The following ERC2 variants were observed in gnomAD, a reference collection of about 807,000 sequenced individuals.
ERC2 encodes ERC protein 2.
Under a neutral mutation model 114.8 loss-of-function variants are expected in ERC2, and 42 were observed. The observed-to-expected ratio is 0.37, with a 90% CI of 0.29 to 0.47. The LOEUF is 0.47. Among genes scored for constraint, ERC2 ranks in the 20% least tolerant of loss-of-function variants. The probability of loss-of-function intolerance (pLI) is 0.99; values close to 1 mark genes in which losing one functional copy is unlikely to be tolerated. For synonymous variants in ERC2, 454 were observed against 425.5 expected (o/e 1.07, Z -0.82); for missense variants, 939 against 1,150.7 (o/e 0.82, Z 2.66).
chr3:56,436,903 C>T (rs114246307), intron 1 of ERC2, among the ~76,000 whole-genome samples: 2,521 of 152,288 alleles, frequency 0.017, 28 homozygotes, highest in Non-Finnish European at 0.024. Context: ...GGTGACATCA[C>T]TTCATACTCC....
chr3:55,614,651 C>A (rs1267187004), intron 17 of ERC2, among the ~76,000 whole-genome samples: 1 of 152,134 alleles, frequency 6.6e-6, no homozygotes, highest in Admixed American at 6.5e-5. Flanking sequence ...TACTAGTAGA[C>A]CACGTGGATA....
chr3:56,059,277 G>A (rs1265843236), intron 7 of ERC2, among the ~76,000 whole-genome samples: 1 of 151,994 alleles, frequency 6.6e-6, no homozygotes, highest in Non-Finnish European at 1.5e-5. Context: ...TTTTAGTAGA[G>A]ACGGGGGTTT....
intron 13 of ERC2, among the ~76,000 whole-genome samples, chr3:55,915,641 C>G (rs1042550880): frequency 1.3e-5 from 2 of 152,132 alleles, no homozygotes; most frequent in Non-Finnish European, 2.9e-5. Flanking sequence ...ATACACCTGA[C>G]AAGTAATAGC....
chr3:56,140,443 T>C, intron 5 of ERC2, among the ~76,000 whole-genome samples: 1 of 152,216 alleles, frequency 6.6e-6, no homozygotes, highest in South Asian at 2.1e-4. Context: ...TTTCCTACTT[T>C]GCTTTTTTTC....
intron 4 of ERC2, among the ~76,000 whole-genome samples, chr3:56,159,588 G>A (rs559536200): frequency 6.6e-6 from 1 of 152,198 alleles, no homozygotes; most frequent in Non-Finnish European, 1.5e-5. Context: ...CTGAGGTTTG[G>A]GGTATAAATG....
At chr3:56,329,599 T>C (rs968392482) in intron 2 of ERC2, among the ~76,000 whole-genome samples, 1 of 152,164 alleles carries the variant, frequency 6.6e-6, no homozygotes, top group Non-Finnish European at 1.5e-5. Flanking sequence ...CTTCTAGCTT[T>C]CCTGTCTCTC....
chr3:56,380,653 A>G (rs1446353312), intron 2 of ERC2, among the ~76,000 whole-genome samples: 1 of 152,220 alleles, frequency 6.6e-6, no homozygotes, highest in Non-Finnish European at 1.5e-5. Context: ...ACATCCAACC[A>G]ACTGCAATTA....
At chr3:56,232,623 C>T (rs991203230) in intron 3 of ERC2, among the ~76,000 whole-genome samples, 5 of 152,194 alleles carry the variant, frequency 3.3e-5, no homozygotes, top group African/African-American at 1.2e-4. Flanking sequence ...AAATGCTCAA[C>T]CAGCAACCCA....
intron 3 of ERC2, among the ~76,000 whole-genome samples, chr3:56,274,559 A>G (rs1323270679): frequency 6.6e-6 from 1 of 152,190 alleles, no homozygotes; most frequent in Admixed American, 6.5e-5. Context: ...GTTCAAGCCC[A>G]TGTTGTTCAA....
chr3:55,762,941 C>G (rs1278709986), intron 14 of ERC2, among the ~76,000 whole-genome samples: 2 of 152,168 alleles, frequency 1.3e-5, no homozygotes, highest in Admixed American at 6.5e-5. Flanking sequence ...CTACAGAACA[C>G]ATACTAAGTA....
At chr3:55,959,367 C>T (rs1030643647) in intron 12 of ERC2, among the ~76,000 whole-genome samples, 3 of 152,260 alleles carry the variant, frequency 2.0e-5, no homozygotes, top group Admixed American at 1.3e-4. Context: ...GAACCCAGTG[C>T]CTGAAAGCCA....
intron 14 of ERC2, among the ~76,000 whole-genome samples, chr3:55,739,180 C>A (rs985813864): frequency 9.9e-5 from 15 of 152,014 alleles, no homozygotes; most frequent in Admixed American, 8.5e-4. Context: ...TTGGGTTGGT[C>A]CCAAGTCTTT....
chr3:56,368,186 A>C (rs8179988), intron 2 of ERC2, among the ~76,000 whole-genome samples: 1 of 129,728 alleles, frequency 7.7e-6, no homozygotes, highest in Non-Finnish European at 1.6e-5. Context: ...TTTTTTTTTT[A>C]AAAAAAAAAA....
chr3:56,106,259 G>A (rs117377532), intron 6 of ERC2, among the ~76,000 whole-genome samples: 11 of 152,178 alleles, frequency 7.2e-5, no homozygotes, highest in Admixed American at 1.3e-4. Context: ...GCCAAGCTCC[G>A]CCTGGCAGCA....
intron 17 of ERC2, among the ~76,000 whole-genome samples, chr3:55,635,791 G>A (rs553389351): frequency 6.6e-6 from 1 of 152,262 alleles, no homozygotes; most frequent in South Asian, 2.1e-4. Context: ...TCCCAAATAA[G>A]TGGCAACTTC....
intron 6 of ERC2, among the ~76,000 whole-genome samples, chr3:56,128,318 A>G (rs1256606489): frequency 6.6e-6 from 1 of 152,176 alleles, no homozygotes; most frequent in Non-Finnish European, 1.5e-5. Flanking sequence ...TAATCATATT[A>G]TGGGTAGTAA....
At chr3:56,421,631 TAA>T (rs1458392711) in intron 2 of ERC2, among the ~76,000 whole-genome samples, 2 of 152,156 alleles carry the variant, frequency 1.3e-5, no homozygotes, top group African/African-American at 4.8e-5. Context: ...AAATAGATAT[TAA>T]GAGAGAAAAT....
At chr3:56,325,558 C>G (rs750696085) in intron 2 of ERC2, among the ~76,000 whole-genome samples, 1 of 152,168 alleles carries the variant, frequency 6.6e-6, no homozygotes, top group Non-Finnish European at 1.5e-5. Flanking sequence ...TAGATGTCTT[C>G]TATACATTGT....
intron 14 of ERC2, among the ~76,000 whole-genome samples, chr3:55,825,521 C>G (rs1307459044): frequency 2.0e-5 from 3 of 152,132 alleles, no homozygotes; most frequent in African/African-American, 7.2e-5. Context: ...TTTAAAATAT[C>G]ACTATTCTTC....
Sources: gnomAD v4.1 joint callset for allele counts (sites outside exome capture counted in the v4.1 genomes callset) on GRCh38, gnomAD v4.1.1 for gene constraint, MANE v1.5 for transcripts, NCBI Gene and HGNC (gene_info 2026-07-23, HGNC 2026-07-21) for gene names.